RALGDS: variants seen among roughly 807,000 people sequenced by gnomAD.
RALGDS encodes ral guanine nucleotide dissociation stimulator.
RALGDS carries 44 observed loss-of-function variants against 99.8 expected under a neutral mutation model. The ratio of observed to expected loss-of-function variants is 0.44; its 90% CI spans 0.35 to 0.57. The LOEUF is 0.57. Among genes scored for constraint, RALGDS ranks in the 20% least tolerant of loss-of-function variants. RALGDS has a pLI of 0.01. For synonymous variants in RALGDS, 529 were observed against 505.0 expected, an observed-to-expected ratio of 1.05 and a Z score of -0.64; for missense variants, 1,022 against 1,203.1, an observed-to-expected ratio of 0.85 and a Z score of 2.23.
Position 133,121,190 on chromosome 9 carries a change from C to G in RALGDS, c.-36G>C, listed in dbSNP as rs1392380242. On this transcript the variant is annotated 5_prime_UTR_variant, in exon 1 of 18. Coordinates refer to ENST00000372050, the MANE Select transcript of RALGDS (RefSeq NM_006266.4). ...CAGCGCGGGCGCGGGGCCGGCCCGG[C>G]GCGCGGCGGGGGCGGCGGCGCGGCC... The G allele has an allele frequency of 3.3e-6, 3 of 898,010 alleles. No homozygotes were observed. In the African/African-American group the frequency reaches 5.6e-5, roughly 17 times the overall value. The allele number at this position is 898,010 out of a possible 1,614,324, so 55.6% of individuals were successfully genotyped here. A position where few individuals can be genotyped will look rare whatever the true frequency, so the allele number is the denominator to read the frequency against.
Position 133,108,192 on chromosome 9 carries a change from T to C in RALGDS, c.993A>G (p.Pro331=). Residue 331 remains proline, a synonymous_variant, in exon 6 of 18, where the codon CCA becomes CCG. Coordinates refer to ENST00000372050, the MANE Select transcript of RALGDS (RefSeq NM_006266.4). The part of the protein sequence containing the change: ...PAVGLESAPA[P]ALELEPAPEQ... Reference sequence around the variant, plus strand: ...CTGGAGCTGGCTCTAGTTCCAGAGCTGGCGCTGGAGCCGATTCTAGTCCCA... The same window carrying C: ...CTGGAGCTGGCTCTAGTTCCAGAGCCGGCGCTGGAGCCGATTCTAGTCCCA... The C allele has an allele frequency of 6.2e-7, 1 of 1,613,458 alleles. No homozygotes were observed. Among genetic ancestry groups the C allele is most frequent in the Non-Finnish European group, 8.5e-7 (1 of 1,179,964 alleles).
chr9:133,101,339 C>T (rs532494418), intron 16 of RALGDS, 181 bp downstream of exon 16: 18 of 1,473,960 alleles, frequency 1.2e-5, no homozygotes, highest in African/African-American at 2.8e-5. Flanking sequence ...CTTTCCTCCC[C>T]CTCTGCCCTC....
chr9:133,106,534 A>G (rs1428187116), intron 8 of RALGDS, 111 bp downstream of exon 8: 4 of 808,018 alleles, frequency 5.0e-6, no homozygotes. Flanking sequence ...CAGGTCAGTG[A>G]AGGGTCCCTG....
Position 133,101,966 on chromosome 9 carries a change from G to A in RALGDS, c.2183C>T (p.Pro728Leu), listed in dbSNP as rs148398301. ...DVEEINISFV[P>L]ESPDGQEKKF... ...CTTTTCCTGGCCATCAGGAGACTCC[G>A]GGACGAAGCTGATGTTGATCTCCTC... The change falls in exon 15 of 18, where the codon CCG becomes CTG. Residue 728 changes from proline (P) to leucine (L), a missense_variant. Physicochemically the swap from Pro to Leu is moderately conservative, Grantham distance 98. Around this residue, in one of 3 missense-constraint regions of RALGDS, gnomAD observed 825 missense variants for 994.5 expected, o/e 0.83. Coordinates refer to ENST00000372050, the MANE Select transcript of RALGDS (RefSeq NM_006266.4). 6.1e-5 allele frequency: 94 copies of A among 1,551,300 alleles called. No individual in the cohort carries two copies. Among genetic ancestry groups the A allele is most frequent in the Non-Finnish European group, 8.1e-5 (93 of 1,147,144 alleles).
In RALGDS at chr9:133,108,799, A is replaced by G. The variant is rs757171212; in HGVS notation, c.652T>C (p.Phe218Leu). 6.2e-7 allele frequency: 1 copy of G among 1,613,498 alleles called. No homozygotes were observed. The highest frequency in any genetic ancestry group is 1.1e-5 in the South Asian group (1 of 91,088). Residue 218 changes from phenylalanine (F) to leucine (L), a missense_variant, in exon 5 of 18, where the codon TTT becomes CTT. Physicochemically the swap from Phe to Leu is conservative, Grantham distance 22. Coordinates refer to ENST00000372050, the MANE Select transcript of RALGDS (RefSeq NM_006266.4). ...GCCACCAGCTGCTTGAGGCAGGGAAAGTCCGGAGGTTGACAGAAATCCTCC... is the reference window on the plus strand; with the variant it reads ...GCCACCAGCTGCTTGAGGCAGGGAAGGTCCGGAGGTTGACAGAAATCCTCC... ...YSEDFCQPPD[F>L]PCLKQLVAYV...
intron 7 of RALGDS, 130 bp from the exon 8 acceptor site, chr9:133,106,878 C>A (rs1426447512): frequency 2.2e-6 from 2 of 919,708 alleles, no homozygotes; most frequent in East Asian, 2.6e-5. Flanking sequence ...GGCACGCCTG[C>A]GACCCGGGGG....
chr9:133,141,815 G>A lies in RALGDS; in HGVS notation c.18+7148C>T, dbSNP rs141995369. Reference sequence around the variant, plus strand: ...CACCAATGGGGAAACTGAGGCCAGCGAGAAGGGACACACTAAGGTCACATA... The same window carrying A: ...CACCAATGGGGAAACTGAGGCCAGCAAGAAGGGACACACTAAGGTCACATA... On this transcript the variant is annotated intron_variant, in intron 1 of 17. Transcript: ENST00000393160. Among the ~76,000 whole-genome samples, 1,227 of 152,374 alleles carry A rather than the reference G, an allele frequency of 8.1e-3. 13 individuals are homozygous for A. The highest frequency in any genetic ancestry group is 0.028 in the African/African-American group (1,183 of 41,588).
intron 1 of RALGDS, among the ~76,000 whole-genome samples, chr9:133,118,850 T>C (rs1292019170): frequency 6.6e-6 from 1 of 152,176 alleles, no homozygotes; most frequent in East Asian, 1.9e-4. Context: ...GCACGGGTGT[T>C]TAGGTCAGAG....
chr9:133,102,994 C>A lies in RALGDS; in HGVS notation c.1792-94G>T, dbSNP rs940616335. ...CTTTGTTCTTGGGGTCCCTTCCTCC[C>A]CTCTACTCCCATCCAGGCCTTCCTG... is the stretch of plus-strand genomic sequence containing the variant. On this transcript the variant is annotated intron_variant, in intron 12 of 17. Coordinates refer to ENST00000372050, the MANE Select transcript of RALGDS (RefSeq NM_006266.4). 5.3e-5 allele frequency: 82 copies of A among 1,545,090 alleles called. 1 individual carries two copies. In the South Asian group the frequency reaches 9.1e-4, roughly 17 times the overall value.
upstream of RALGDS, among the ~76,000 whole-genome samples, chr9:133,132,197 C>T (rs1383080778): frequency 6.6e-6 from 1 of 152,256 alleles, no homozygotes. Flanking sequence ...ATGGGTACTG[C>T]AAGGCAGGCC....
chr9:133,132,315 G>C, upstream of RALGDS, among the ~76,000 whole-genome samples: 1 of 152,180 alleles, frequency 6.6e-6, no homozygotes, highest in East Asian at 1.9e-4. Flanking sequence ...CAGGCGGCAG[G>C]GGTTGGTATC....
upstream of RALGDS, among the ~76,000 whole-genome samples, chr9:133,131,791 C>T (rs569709426): frequency 1.3e-5 from 2 of 152,332 alleles, no homozygotes; most frequent in South Asian, 4.1e-4. Context: ...TTCTGATCCC[C>T]AGGGACTCTG....
At position 133,121,018 on chromosome 9, in the gene RALGDS, AC is replaced by A; in HGVS notation, c.136del (p.Val46CysfsTer8). The A allele has an allele frequency of 6.7e-7, 1 of 1,497,276 alleles. No homozygotes were observed. The highest frequency in any genetic ancestry group is 8.9e-7 in the Non-Finnish European group (1 of 1,129,904). 92.7% of individuals were successfully genotyped at this position (1,497,276 alleles called of 1,614,324 possible). ...EVGVPDSCPV[V>X]LHSFTQLDPD... is the part of the protein sequence containing the mutation. ...GTCTAGCTGCGTGAAGCTGTGCAGCACCACCGGGCAGCTGTCGGGGACGCCC... is the reference window on the plus strand; with the variant it reads ...GTCTAGCTGCGTGAAGCTGTGCAGCACACCGGGCAGCTGTCGGGGACGCCC... On this transcript the variant is annotated frameshift_variant, in exon 1 of 18. Transcript: ENST00000372050. LOFTEE classifies it high-confidence loss of function.
At chr9:133,099,583 T>C (rs1830651016) in intron 17 of RALGDS, 1 of 154,214 alleles carries the variant, frequency 6.5e-6, no homozygotes, top group South Asian at 2.0e-4. Context: ...TGCATATATA[T>C]ACACACACAT....
At chr9:133,105,575 G>C (rs192091875) in intron 9 of RALGDS, among the ~76,000 whole-genome samples, 13 of 152,184 alleles carry the variant, frequency 8.5e-5, no homozygotes, top group Non-Finnish European at 1.8e-4. Flanking sequence ...GGACAGACTG[G>C]GCCGGTGTGG....
intron 1 of RALGDS, among the ~76,000 whole-genome samples, chr9:133,147,743 A>C (rs1832648120): frequency 6.6e-6 from 1 of 152,148 alleles, no homozygotes; most frequent in African/African-American, 2.4e-5. Context: ...CCAGAAAACA[A>C]AACACACACC....
chr9:133,141,574 T>C (rs1264217062), intron 1 of RALGDS, among the ~76,000 whole-genome samples: 1 of 152,154 alleles, frequency 6.6e-6, no homozygotes, highest in Non-Finnish European at 1.5e-5. Context: ...TGAGCTGGAA[T>C]TTGGACCCAG....
At chr9:133,112,201 C>T in intron 1 of RALGDS, 49 bp from the exon 2 acceptor site, 1 of 1,315,736 alleles carries the variant, frequency 7.6e-7, no homozygotes, top group Non-Finnish European at 1.1e-6. Flanking sequence ...CAAGGGCCTG[C>T]CTGGCCACCG....
At chr9:133,120,458 C>T (rs1361007918) in intron 1 of RALGDS, among the ~76,000 whole-genome samples, 1 of 143,324 alleles carries the variant, frequency 7.0e-6, no homozygotes, top group Non-Finnish European at 1.5e-5. Flanking sequence ...TGAGCAGCCC[C>T]GATGTCCCTG....
Sources: allele counts gnomAD v4.1 joint callset (sites outside exome capture counted in the v4.1 genomes callset), GRCh38; gene constraint gnomAD v4.1.1; regional missense constraint gnomAD v4.1.1; transcripts MANE v1.5; gene names NCBI Gene and HGNC (gene_info 2026-07-23, HGNC 2026-07-21).